Variants in NUP214 observed in about 807,000 individuals in gnomAD.
NUP214 encodes the protein nucleoporin 214.
NUP214 carries 79 observed loss-of-function variants against 196.2 expected under a neutral mutation model. The ratio of observed to expected loss-of-function variants is 0.40; its 90% CI spans 0.34 to 0.49. The LOEUF (loss-of-function observed/expected upper bound fraction) is 0.49, where lower values mean the gene tolerates loss of function less well. Ranked by LOEUF, NUP214 falls within the 20% of genes least tolerant of loss-of-function variation. The pLI, the probability that NUP214 is intolerant of heterozygous loss-of-function variation, is 0.58. For missense variants in NUP214, 2,468 were observed against 2,539.0 expected (o/e 0.97, Z 0.60); for synonymous variants, 1,020 against 990.5 (o/e 1.03, Z -0.56).
chr9:131,228,458 A>C (rs189299692), intron 33 of NUP214, 127 bp downstream of exon 33: 3 of 868,604 alleles, frequency 3.5e-6, no homozygotes, highest in South Asian at 2.1e-5. Flanking sequence ...TTTGTGAACA[A>C]CTCCCTCAAG....
At chr9:131,170,319 A>G (rs974548389) in intron 21 of NUP214, among the ~76,000 whole-genome samples, 1 of 152,182 alleles carries the variant, frequency 6.6e-6, no homozygotes, top group African/African-American at 2.4e-5. Context: ...TTAAAAAAAG[A>G]AAGTTTTGGG....
chr9:131,193,692 C>T (rs1833689875), intron 27 of NUP214, among the ~76,000 whole-genome samples: 1 of 112,804 alleles, frequency 8.9e-6, no homozygotes, highest in African/African-American at 3.4e-5. Context: ...CACTCCGTCA[C>T]CCTGGTTGGA....
intron 24 of NUP214, among the ~76,000 whole-genome samples, chr9:131,183,552 T>G (rs1185383987): frequency 1.3e-5 from 2 of 152,254 alleles, no homozygotes; most frequent in Admixed American, 1.3e-4. Flanking sequence ...GGTTCATATC[T>G]GAATTCTTTT....
chr9:131,187,180 T>C (rs1833473226), intron 24 of NUP214, 109 bp from the exon 25 acceptor site: 1 of 887,678 alleles, frequency 1.1e-6, no homozygotes. Flanking sequence ...TGCATCTGTA[T>C]CCTACCCAAA....
intron 30 of NUP214, among the ~76,000 whole-genome samples, chr9:131,214,380 T>G (rs2131078367): frequency 6.6e-6 from 1 of 152,348 alleles, no homozygotes; most frequent in South Asian, 2.1e-4. Flanking sequence ...TGTGTTGAGA[T>G]GGGTAGTTTA....
chr9:131,172,855 A>C (rs1438334364), intron 21 of NUP214, among the ~76,000 whole-genome samples: 3 of 152,214 alleles, frequency 2.0e-5, no homozygotes, highest in Admixed American at 6.5e-5. Context: ...AAATATTTGC[A>C]GAGCCATTTT....
In NUP214 at chr9:131,151,739, C is replaced by T; in HGVS notation, c.2281C>T (p.Leu761Phe). ...CACATTATTGTACTTTTTCTAGTCG[C>T]TTCATGGAGATATAAGTAGCCTGAA... Reference protein sequence around the residue: ...LLEIKETTESLHGDISSLKTT... With the variant: ...LLEIKETTESFHGDISSLKTT... The change falls in exon 17 of 36, where the codon CTT (leucine) becomes TTT (phenylalanine). Residue 761 changes from leucine (L) to phenylalanine (F), a missense_variant. Physicochemically the swap from Leu to Phe is conservative, Grantham distance 22 (BLOSUM62 0). Around this residue, in one of 5 missense-constraint regions of NUP214, gnomAD observed 1,801 missense variants for 1,779.4 expected, o/e 1.01. Coordinates refer to ENST00000359428, the MANE Select transcript of NUP214 (RefSeq NM_005085.4). 1 of 1,605,028 alleles carries T rather than the reference C, an allele frequency of 6.2e-7. No homozygotes were observed. Among genetic ancestry groups the T allele is most frequent in the Middle Eastern group, 1.9e-4 (1 of 5,388 alleles).
chr9:131,174,232 T>G lies in NUP214; in HGVS notation c.3071T>G (p.Ile1024Ser). Residue 1024 changes from isoleucine to serine, a missense_variant, in exon 22 of 36, where the codon ATC (isoleucine) becomes AGC (serine). Physicochemically the swap from Ile to Ser is moderately radical, Grantham distance 142. Around this residue, in one of 5 missense-constraint regions of NUP214, gnomAD observed 1,801 missense variants for 1,779.4 expected, o/e 1.01. Coordinates refer to ENST00000359428, the MANE Select transcript of NUP214 (RefSeq NM_005085.4). Reference protein sequence around the residue: ...RHAPVVRTPSIQPSLLPHAAP... With the variant: ...RHAPVVRTPSSQPSLLPHAAP... ...GCCCCCGTGGTTCGCACTCCTTCCA[T>G]CCAGCCCAGTCTCTTGCCCCATGCA... is the stretch of plus-strand genomic sequence containing the variant. The G allele has an allele frequency of 6.2e-7, 1 of 1,613,930 alleles. No homozygotes were observed. The highest frequency in any genetic ancestry group is 8.5e-7 in the Non-Finnish European group (1 of 1,179,964).
chr9:131,159,399 A>G lies in NUP214; in HGVS notation c.2453A>G (p.His818Arg). ...TTCTTATAGGAAATTCGGCGCCTTC[A>G]TCAGTATGTGAAATTTGCTGTCCAA... ...EAQLQEIRRL[H>R]QYVKFAVQDV... The change falls in exon 18 of 36, where the codon CAT becomes CGT. Residue 818 changes from histidine to arginine, a missense_variant. His to Arg is a conservative substitution (Grantham distance 29). Coordinates refer to ENST00000359428, the MANE Select transcript of NUP214 (RefSeq NM_005085.4). The G allele has an allele frequency of 6.2e-7, 1 of 1,613,782 alleles. No individual in the cohort carries two copies. The highest frequency in any genetic ancestry group is 8.5e-7 in the Non-Finnish European group (1 of 1,179,892).
At position 131,187,361 on chromosome 9, in the gene NUP214, G is replaced by A. The variant is rs565761170; in HGVS notation, c.3492G>A (p.Lys1164=). ...CCCCAGTGGCTGCTAACCAAGCCAA[G>A]CAGGTAACTTACTGATTTTTACTTT... The part of the protein sequence containing the change: ...VLTPVAANQA[K]QGSLINSLKP... Residue 1164 remains lysine (K), a synonymous_variant, in exon 25 of 36, where the codon AAG becomes AAA. Coordinates refer to ENST00000359428, the MANE Select transcript of NUP214 (RefSeq NM_005085.4). The A allele has an allele frequency of 3.8e-6, 6 of 1,584,918 alleles. No individual in the cohort carries two copies. In the South Asian group the frequency reaches 6.6e-5, roughly 18 times the overall value.
intron 12 of NUP214, among the ~76,000 whole-genome samples, chr9:131,145,716 C>A (rs117664558): frequency 0.022 from 3,421 of 152,264 alleles, 52 homozygotes; most frequent in Non-Finnish European, 0.029. Context: ...CTTTTTCACT[C>A]CCCAGAGAAG....
At chr9:131,196,172 T>G (rs1355551043) in intron 28 of NUP214, among the ~76,000 whole-genome samples, 1 of 152,094 alleles carries the variant, frequency 6.6e-6, no homozygotes, top group Non-Finnish European at 1.5e-5. Context: ...TATTTATTTA[T>G]TTTGAGATGG....
chr9:131,143,104 C>T (rs2133486229), intron 11 of NUP214, among the ~76,000 whole-genome samples: 1 of 152,200 alleles, frequency 6.6e-6, no homozygotes, highest in East Asian at 1.9e-4. Flanking sequence ...TCTCCCAAGT[C>T]CAAGCGATCC....
intron 5 of NUP214, among the ~76,000 whole-genome samples, chr9:131,131,135 G>A (rs1019104035): frequency 1.3e-5 from 2 of 152,206 alleles, no homozygotes; most frequent in East Asian, 1.9e-4. Context: ...TACGCTATGC[G>A]CTGTTCCCCA....
intron 9 of NUP214, among the ~76,000 whole-genome samples, chr9:131,138,506 C>T (rs1368850831): frequency 6.6e-6 from 1 of 152,234 alleles, no homozygotes; most frequent in East Asian, 1.9e-4. Flanking sequence ...GCATGAACCA[C>T]TACATCCAGC....
chr9:131,217,642 A>C (rs1834441861), intron 31 of NUP214, among the ~76,000 whole-genome samples: 1 of 152,268 alleles, frequency 6.6e-6, no homozygotes, highest in Admixed American at 6.5e-5. Context: ...GTCACATGCC[A>C]GACACAGAAT....
chr9:131,174,466 T>TA, intron 22 of NUP214, 148 bp downstream of exon 22: 1 of 729,754 alleles, frequency 1.4e-6, no homozygotes. Context: ...TTTTTTTTTT[T>TA]GAGGTGGAGT....
rs773441933 is a variant in NUP214 at position 131,125,701 on chromosome 9, C to T, written c.-4C>T. 3.2e-6 allele frequency: 5 copies of T among 1,550,342 alleles called. No individual in the cohort carries two copies. Among genetic ancestry groups the T allele is most frequent in the Non-Finnish European group, 4.4e-6 (5 of 1,146,610 alleles). On this transcript the variant is annotated 5_prime_UTR_variant, in exon 1 of 36. Transcript: ENST00000359428. The surrounding 1 kb of genome is among the most constrained non-coding windows in gnomAD (Gnocchi z 4.1). Reference sequence around the variant, plus strand: ...GGCTGCTTCGACACACTGAGGGCGGCGCGATGGGAGACGAGATGGATGCCA... The same window carrying T: ...GGCTGCTTCGACACACTGAGGGCGGTGCGATGGGAGACGAGATGGATGCCA...
intron 5 of NUP214, among the ~76,000 whole-genome samples, chr9:131,132,336 A>T (rs1322245032): frequency 6.6e-6 from 1 of 150,456 alleles, no homozygotes; most frequent in South Asian, 2.1e-4. Context: ...CTAGTCTCGA[A>T]CTCCTGACCT....
Sources: allele counts gnomAD v4.1 joint callset (sites outside exome capture counted in the v4.1 genomes callset), GRCh38; gene constraint gnomAD v4.1.1; regional missense constraint gnomAD v4.1.1; non-coding constraint Gnocchi (gnomAD v3.1); transcripts MANE v1.5; gene names NCBI Gene and HGNC (gene_info 2026-07-23, HGNC 2026-07-21).